Variants in NFKBIZ observed in about 807,000 individuals in gnomAD.
NFKBIZ encodes NF-kappa-B inhibitor zeta.
A neutral mutation model predicts 76.8 loss-of-function variants in NFKBIZ; 19 were observed. That is an observed-to-expected ratio of 0.25 (90% CI 0.17 to 0.36). The LOEUF (loss-of-function observed/expected upper bound fraction) is 0.36, where lower values mean the gene tolerates loss of function less well. NFKBIZ is among the 10% of genes least tolerant of loss of function. The probability of loss-of-function intolerance (pLI) is 1.00; values close to 1 mark genes in which losing one functional copy is unlikely to be tolerated. For synonymous variants in NFKBIZ, 368 were observed against 354.8 expected (o/e 1.04, Z -0.42); for missense variants, 829 against 910.9 (o/e 0.91, Z 1.16).
At chr3:101,845,366 C>T (rs1483007034), upstream of NFKBIZ, among the ~76,000 whole-genome samples, 1 of 150,770 alleles carries the variant, frequency 6.6e-6, no homozygotes, top group Non-Finnish European at 1.5e-5. Context: ...TGATCATAGC[C>T]TACTGCAGCC....
rs1389705980 is a variant in NFKBIZ at position 101,855,391 on chromosome 3, G to A, written c.1591-4G>A. ...TAACAGATGTCTGTTTTTAAAATCT[G>A]CAGGCGATTCAGAAGGGAGCAGTGG... On this transcript the variant is annotated splice_polypyrimidine_tract_variant and splice_region_variant and intron_variant, in intron 7 of 11. Coordinates refer to ENST00000326172, the MANE Select transcript of NFKBIZ (RefSeq NM_031419.4). The A allele has an allele frequency of 6.2e-7, 1 of 1,614,168 alleles. No homozygotes were observed. The highest frequency in any genetic ancestry group is 1.1e-5 in the South Asian group (1 of 91,084).
upstream of NFKBIZ, among the ~76,000 whole-genome samples, chr3:101,847,120 A>G (rs72939619): frequency 0.053 from 8,105 of 152,276 alleles, 736 homozygotes; most frequent in African/African-American, 0.19. Flanking sequence ...ATCTTACTTT[A>G]CTCTGTCTAC....
chr3:101,859,521 A>G lies in NFKBIZ; in HGVS notation c.*150A>G, dbSNP rs1273633633. On this transcript the variant is annotated 3_prime_UTR_variant, in exon 12 of 12. Transcript: ENST00000326172. ...AGTTCACTATTATATAGTGGGTTAT[A>G]TTAAAAGAAAAGAAGAAAAATATCT... 4.2e-6 allele frequency: 2 copies of G among 480,462 alleles called. No individual in the cohort carries two copies. The highest frequency in any genetic ancestry group is 7.4e-6 in the Non-Finnish European group (2 of 268,518). The allele number at this position is 480,462 out of a possible 1,614,324, so 29.8% of individuals were successfully genotyped here.
Position 101,849,705 on chromosome 3 carries a change from T to A in NFKBIZ, c.77T>A (p.Met26Lys). 7.0e-7 allele frequency: 1 copy of A among 1,429,480 alleles called. No homozygotes were observed. The highest frequency in any genetic ancestry group is 9.1e-7 in the Non-Finnish European group (1 of 1,097,672). 88.5% of individuals were successfully genotyped at this position (1,429,480 alleles called of 1,614,324 possible). ...LRDAAGGCGLMTSPLNLSYFY... is the reference protein window; with the variant it reads ...LRDAAGGCGLKTSPLNLSYFY... ...GACGCGGCGGGCGGCTGCGGCCTCA[T>A]GACCAGCCCGCTCAACCTGAGCTAC... is the stretch of plus-strand genomic sequence containing the variant. Residue 26 changes from methionine (M) to lysine (K), a missense_variant, in exon 1 of 12, where the codon ATG (methionine) becomes AAG (lysine). Around this residue, in one of 4 missense-constraint regions of NFKBIZ, gnomAD observed 181 missense variants for 175.3 expected, o/e 1.03. Coordinates refer to ENST00000326172, the MANE Select transcript of NFKBIZ (RefSeq NM_031419.4).
intron 2 of NFKBIZ, among the ~76,000 whole-genome samples, chr3:101,829,885 G>T (rs1253586131): frequency 7.9e-5 from 12 of 151,860 alleles, no homozygotes; most frequent in African/African-American, 2.9e-4. Flanking sequence ...TTTTTTGTGT[G>T]TGTGTGTGTG....
intron 2 of NFKBIZ, among the ~76,000 whole-genome samples, chr3:101,840,140 T>C (rs1184716687): frequency 2.6e-5 from 4 of 152,186 alleles, no homozygotes; most frequent in Non-Finnish European, 5.9e-5. Context: ...ATTCAGTGTT[T>C]AGGAGGATGC....
intron 11 of NFKBIZ, among the ~76,000 whole-genome samples, chr3:101,858,591 G>C (rs886776167): frequency 4.6e-5 from 7 of 152,210 alleles, no homozygotes; most frequent in Admixed American, 1.3e-4. Flanking sequence ...TTTTGTGTGT[G>C]TTGGGCAGGT....
chr3:101,837,223 T>C (rs1942731394), intron 2 of NFKBIZ, among the ~76,000 whole-genome samples: 1 of 152,050 alleles, frequency 6.6e-6, no homozygotes, highest in South Asian at 2.1e-4. Flanking sequence ...CAAAGGTAAA[T>C]GTGAATCTAC....
At chr3:101,835,657 A>G (rs1560082578) in intron 2 of NFKBIZ, among the ~76,000 whole-genome samples, 2 of 152,098 alleles carry the variant, frequency 1.3e-5, no homozygotes, top group Non-Finnish European at 2.9e-5. Context: ...GTCAGATTAG[A>G]TGAGGACTCA....
upstream of NFKBIZ, among the ~76,000 whole-genome samples, chr3:101,847,628 T>C (rs931722716): frequency 3.9e-5 from 6 of 152,212 alleles, no homozygotes; most frequent in Non-Finnish European, 8.8e-5. Context: ...CTGTACTGAA[T>C]ACTGTAGGCA....
In NFKBIZ at chr3:101,857,128, A is replaced by T. The variant is rs771785430; in HGVS notation, c.1880A>T (p.Glu627Val). The T allele has an allele frequency of 1.2e-6, 2 of 1,613,734 alleles. No individual in the cohort carries two copies. The highest frequency in any genetic ancestry group is 1.7e-6 in the Non-Finnish European group (2 of 1,179,992). ...LHLAAEEANL[E>V]LIRLFLELPS... ...TTGGCAGCTGAAGAAGCAAATCTGG[A>T]ACTCATTCGCCTCTTTTTGGAGCTG... is the stretch of plus-strand genomic sequence containing the variant. The change falls in exon 10 of 12, where the codon GAA (glutamate) becomes GTA (valine). Residue 627 changes from glutamate (E) to valine (V), a missense_variant. This residue lies in a region of NFKBIZ where 272 missense variants were observed against 384.2 expected (regional missense o/e 0.71). Transcript: ENST00000326172.
intron 1 of NFKBIZ, among the ~76,000 whole-genome samples, chr3:101,828,421 C>G (rs1386008427): frequency 6.6e-6 from 1 of 152,028 alleles, no homozygotes; most frequent in East Asian, 1.9e-4. Context: ...TTTAAAGGCC[C>G]AGGAAGGACT....
chr3:101,850,055 TC>T, intron 1 of NFKBIZ, 138 bp downstream of exon 1: 1 of 852,864 alleles, frequency 1.2e-6, no homozygotes, highest in Non-Finnish European at 1.6e-6. Context: ...CAATTACCAC[TC>T]CCCGCCTTGC....
At chr3:101,838,206 C>G (rs1345430650) in intron 2 of NFKBIZ, among the ~76,000 whole-genome samples, 4 of 152,134 alleles carry the variant, frequency 2.6e-5, no homozygotes. Context: ...AGGAATGGAA[C>G]TAACACTTAT....
intron 1 of NFKBIZ, among the ~76,000 whole-genome samples, chr3:101,850,762 G>A (rs775979344): frequency 6.6e-6 from 1 of 152,170 alleles, no homozygotes; most frequent in Admixed American, 6.5e-5. Flanking sequence ...TGTTTTGGTT[G>A]TCATTTATTT....
intron 1 of NFKBIZ, among the ~76,000 whole-genome samples, chr3:101,829,138 A>G (rs1429429827): frequency 1.3e-5 from 2 of 152,192 alleles, no homozygotes; most frequent in East Asian, 3.8e-4. Flanking sequence ...GCCTCAGAAT[A>G]CGGTGTATGG....
chr3:101,833,548 G>A (rs16844264), intron 2 of NFKBIZ, among the ~76,000 whole-genome samples: 2,691 of 152,304 alleles, frequency 0.018, 86 homozygotes, highest in African/African-American at 0.062. Context: ...AAGGAGGTGC[G>A]TTTAATTTGA....
At chr3:101,828,390 G>C (rs2107387687) in intron 1 of NFKBIZ, among the ~76,000 whole-genome samples, 1 of 152,230 alleles carries the variant, frequency 6.6e-6, no homozygotes, top group Non-Finnish European at 1.5e-5. Flanking sequence ...TTTAGTAATA[G>C]CAAGAATCAT....
intron 1 of NFKBIZ, 72 bp from the exon 2 acceptor site, chr3:101,852,013 C>A: frequency 6.4e-7 from 1 of 1,557,208 alleles, no homozygotes; most frequent in South Asian, 1.2e-5. Flanking sequence ...AACAGCTATA[C>A]TTTTGGGATT....
Sources: allele counts gnomAD v4.1 joint callset (sites outside exome capture counted in the v4.1 genomes callset), GRCh38; gene constraint gnomAD v4.1.1; regional missense constraint gnomAD v4.1.1; transcripts MANE v1.5; gene names NCBI Gene and HGNC (gene_info 2026-07-23, HGNC 2026-07-21).